Variants in GASK1B observed in about 807,000 individuals in gnomAD.
GASK1B encodes Golgi-associated kinase 1B.
A neutral mutation model predicts 42.8 loss-of-function variants in GASK1B; 34 were observed. That is an observed-to-expected ratio of 0.79 (90% CI 0.60 to 1.06). GASK1B has a LOEUF of 1.06. Among genes scored for constraint, GASK1B ranks in the 50% least tolerant of loss-of-function variants. GASK1B has a pLI of 0.00. For synonymous variants in GASK1B, 262 were observed against 259.1 expected (o/e 1.01, Z -0.11); for missense variants, 686 against 661.0 (o/e 1.04, Z -0.42).
At chr4:158,132,080 C>T (rs1042616210) in intron 3 of GASK1B, among the ~76,000 whole-genome samples, 1 of 152,094 alleles carries the variant, frequency 6.6e-6, no homozygotes, top group African/African-American at 2.4e-5. Flanking sequence ...AAAATTCAGC[C>T]TCAGAGACAT....
In GASK1B at chr4:158,171,217, G is replaced by C. The variant is rs1411166714; in HGVS notation, c.159C>G (p.Ser53Arg). ...GCTGGAGAGAGGCCCTCCCCACCTGGCTCACCAGGAAGCCCAAGTAGATGG... is the reference window on the plus strand; with the variant it reads ...GCTGGAGAGAGGCCCTCCCCACCTGCCTCACCAGGAAGCCCAAGTAGATGG... The part of the protein sequence containing the change: ...ACAIYLGFLV[S>R]QVGRASLQHG... The change falls in exon 2 of 5, where the codon AGC (serine) becomes AGG (arginine). Residue 53 changes from serine (S) to arginine (R), a missense_variant. Physicochemically the swap from Ser to Arg is moderately radical, Grantham distance 110. Transcript: ENST00000585682. The C allele has an allele frequency of 6.2e-7, 1 of 1,613,978 alleles. No individual in the cohort carries two copies. Among genetic ancestry groups the C allele is most frequent in the Non-Finnish European group, 8.5e-7 (1 of 1,179,954 alleles).
chr4:158,148,181 T>A (rs1731405689), intron 3 of GASK1B, among the ~76,000 whole-genome samples: 3 of 152,122 alleles, frequency 2.0e-5, no homozygotes, highest in Admixed American at 1.3e-4. Flanking sequence ...ACCACTGCAC[T>A]CCAGCCTGGG....
At chr4:158,152,017 G>A (rs1731576084) in intron 3 of GASK1B, among the ~76,000 whole-genome samples, 1 of 152,166 alleles carries the variant, frequency 6.6e-6, no homozygotes, top group Admixed American at 6.5e-5. Context: ...CTGACTTGCT[G>A]AATCTTCCAG....
At chr4:158,165,254 G>A (rs1364511638) in intron 2 of GASK1B, among the ~76,000 whole-genome samples, 1 of 152,110 alleles carries the variant, frequency 6.6e-6, no homozygotes, top group Non-Finnish European at 1.5e-5. Flanking sequence ...ACGGTGCTTG[G>A]TTTTCTCTTT....
At chr4:158,146,787 G>A (rs909980810) in intron 3 of GASK1B, among the ~76,000 whole-genome samples, 2 of 152,174 alleles carry the variant, frequency 1.3e-5, no homozygotes, top group Non-Finnish European at 2.9e-5. Context: ...TCTTTTGAGA[G>A]AAGTTTGACC....
intron 2 of GASK1B, among the ~76,000 whole-genome samples, chr4:158,165,776 T>A (rs1473507081): frequency 2.0e-5 from 3 of 152,158 alleles, no homozygotes; most frequent in African/African-American, 7.2e-5. Flanking sequence ...GGGCACAAAT[T>A]CCAATTTCAT....
chr4:158,158,366 G>A (rs1456434674), intron 2 of GASK1B, among the ~76,000 whole-genome samples: 1 of 151,906 alleles, frequency 6.6e-6, no homozygotes. Context: ...CATTTACTGT[G>A]CACTAAGCAC....
chr4:158,168,140 A>G, intron 2 of GASK1B, among the ~76,000 whole-genome samples: 1 of 152,204 alleles, frequency 6.6e-6, no homozygotes, highest in Admixed American at 6.5e-5. Flanking sequence ...GGTATCAAAG[A>G]CAGAATGTTG....
At chr4:158,135,480 T>G (rs1002001819) in intron 3 of GASK1B, among the ~76,000 whole-genome samples, 8 of 151,990 alleles carry the variant, frequency 5.3e-5, no homozygotes, top group Non-Finnish European at 1.0e-4. Flanking sequence ...ATTATTTCAT[T>G]TAATCCTCAT....
At chr4:158,156,501 T>C (rs1027921372) in intron 2 of GASK1B, among the ~76,000 whole-genome samples, 13 of 152,194 alleles carry the variant, frequency 8.5e-5, no homozygotes, top group Admixed American at 7.9e-4. Flanking sequence ...TGTTCATAGA[T>C]GATCTTTTTT....
At position 158,155,747 on chromosome 4, in the gene GASK1B, A is replaced by T; in HGVS notation, c.989T>A (p.Leu330His). The T allele has an allele frequency of 1.2e-6, 2 of 1,613,920 alleles. No homozygotes were observed. Among genetic ancestry groups the T allele is most frequent in the Non-Finnish European group, 8.5e-7 (1 of 1,179,822 alleles). ...CAACTGCTGATAAGTTCCCCAGGTG[A>T]GCTTAACAGAAGAATGGGTGTCATT... is the stretch of plus-strand genomic sequence containing the variant. ...ASNDTHSSVKLTWGTYQQLLK... is the reference protein window; with the variant it reads ...ASNDTHSSVKHTWGTYQQLLK... The change falls in exon 3 of 5, where the codon CTC becomes CAC. Residue 330 changes from leucine to histidine, a missense_variant. Leu to His is a moderately conservative substitution (Grantham distance 99). Coordinates refer to ENST00000585682, the MANE Select transcript of GASK1B (RefSeq NM_001128424.2).
intron 4 of GASK1B, among the ~76,000 whole-genome samples, chr4:158,128,546 A>C (rs1205999030): frequency 6.6e-6 from 1 of 152,220 alleles, no homozygotes; most frequent in Non-Finnish European, 1.5e-5. Flanking sequence ...TTAAGAGTAC[A>C]TTTCTAATAA....
intron 3 of GASK1B, among the ~76,000 whole-genome samples, chr4:158,145,396 C>A (rs1731292930): frequency 1.3e-5 from 2 of 152,082 alleles, no homozygotes; most frequent in South Asian, 2.1e-4. Context: ...TTCTTGTTGT[C>A]TATTGAATTT....
rs1000866586 is a variant in GASK1B at position 158,142,187 on chromosome 4, A to G, written c.1126-11175T>C. 5.7e-3 allele frequency among the ~76,000 whole-genome samples: 582 copies of G among 102,158 alleles called. No homozygotes were observed. In the Middle Eastern group the frequency reaches 0.058, roughly 10 times the overall value. 67.0% of individuals were successfully genotyped at this position (102,158 alleles called of 152,430 possible). A position where few individuals can be genotyped will look rare whatever the true frequency, so the allele number is the denominator to read the frequency against. ...TCTCGATCTCCTGACCTCATGATCCACCCGCCTCGGCCTCCCAAAGTGCTG... is the reference window on the plus strand; with the variant it reads ...TCTCGATCTCCTGACCTCATGATCCGCCCGCCTCGGCCTCCCAAAGTGCTG... On this transcript the variant is annotated intron_variant, in intron 3 of 4. Transcript: ENST00000585682.
chr4:158,146,978 G>C (rs778746863), intron 3 of GASK1B, among the ~76,000 whole-genome samples: 2 of 152,082 alleles, frequency 1.3e-5, no homozygotes, highest in Non-Finnish European at 2.9e-5. Context: ...CTGTTAACTG[G>C]GTGAAACAAA....
intron 4 of GASK1B, among the ~76,000 whole-genome samples, chr4:158,128,641 G>A (rs1190859658): frequency 1.3e-5 from 2 of 152,174 alleles, no homozygotes; most frequent in Non-Finnish European, 2.9e-5. Context: ...GGCCTTCTAA[G>A]CACCTCTTCC....
At chr4:158,133,611 G>T (rs1158190690) in intron 3 of GASK1B, among the ~76,000 whole-genome samples, 1 of 152,080 alleles carries the variant, frequency 6.6e-6, no homozygotes, top group Non-Finnish European at 1.5e-5. Context: ...CTACACAAAA[G>T]CATTAAAAGT....
At chr4:158,136,405 C>T (rs1246111831) in intron 3 of GASK1B, among the ~76,000 whole-genome samples, 1 of 151,988 alleles carries the variant, frequency 6.6e-6, no homozygotes, top group East Asian at 1.9e-4. Context: ...TATGTGTCTG[C>T]AAGTTTCATT....
chr4:158,150,064 C>T (rs993892079), intron 3 of GASK1B, among the ~76,000 whole-genome samples: 24 of 151,560 alleles, frequency 1.6e-4, no homozygotes, highest in African/African-American at 5.8e-4. Context: ...TAACTGGCAC[C>T]ACAGGCGTCC....
Sources: gnomAD v4.1 joint callset for allele counts (sites outside exome capture counted in the v4.1 genomes callset) on GRCh38, gnomAD v4.1.1 for gene constraint, MANE v1.5 for transcripts, NCBI Gene and HGNC (gene_info 2026-07-23, HGNC 2026-07-21) for gene names.